C16orf92: variants seen among roughly 807,000 people sequenced by gnomAD.
The protein encoded by C16orf92 is fertilization-influencing membrane protein 1.
A neutral mutation model predicts 13.7 loss-of-function variants in C16orf92; 14 were observed. That is an observed-to-expected ratio of 1.02 (90% CI 0.67 to 1.60). The LOEUF (loss-of-function observed/expected upper bound fraction) is 1.60. C16orf92 is among the 40% of genes most tolerant of loss of function. The pLI, the probability that C16orf92 is intolerant of heterozygous loss-of-function variation, is 0.00. For missense variants in C16orf92, 116 were observed against 139.0 expected (o/e 0.83, Z 0.83); for synonymous variants, 50 against 57.4 (o/e 0.87, Z 0.58).
downstream of C16orf92, chr16:30,025,539 C>T: frequency 1.3e-6 from 2 of 1,588,428 alleles, no homozygotes; most frequent in Middle Eastern, 1.7e-4. This position sits in a 1 kb window ranked among gnomAD's most constrained non-coding sequence, Gnocchi z 4.1. Context: ...CCCTGCCTCC[C>T]TGCGACCCTA....
At chr16:30,026,038 C>T (rs1414386489), downstream of C16orf92, among the ~76,000 whole-genome samples, 1 of 152,042 alleles carries the variant, frequency 6.6e-6, no homozygotes, top group African/African-American at 2.4e-5. Context: ...TTGAGACCAG[C>T]CTGGCCAACA....
Position 30,024,337 on chromosome 16 carries a change from C to T in C16orf92, c.*110C>T. 7.1e-7 allele frequency: 1 copy of T among 1,400,078 alleles called. No homozygotes were observed. The highest frequency in any genetic ancestry group is 9.8e-7 in the Non-Finnish European group (1 of 1,019,176). The allele number at this position is 1,400,078 out of a possible 1,614,324, so 86.7% of individuals were successfully genotyped here. ...TCCTCCCTGACTGCCCAGCGAGCAGCTGGGGATCCTGTCCCCTCTGTTTCC... is the reference window on the plus strand; with the variant it reads ...TCCTCCCTGACTGCCCAGCGAGCAGTTGGGGATCCTGTCCCCTCTGTTTCC... On this transcript the variant is annotated 3_prime_UTR_variant, in exon 4 of 4. Coordinates refer to ENST00000681219, the MANE Select transcript of C16orf92 (RefSeq NM_001109659.2).
chr16:30,025,535 C>G, downstream of C16orf92: 1 of 1,589,872 alleles, frequency 6.3e-7, no homozygotes, highest in East Asian at 2.3e-5. This position sits in a 1 kb window ranked among gnomAD's most constrained non-coding sequence, Gnocchi z 4.1. Context: ...CTCTCCCTGC[C>G]TCCCTGCGAC....
chr16:30,025,252 G>A, downstream of C16orf92: 1 of 1,535,086 alleles, frequency 6.5e-7, no homozygotes, highest in African/African-American at 1.4e-5. This position sits in a 1 kb window ranked among gnomAD's most constrained non-coding sequence, Gnocchi z 4.1. Context: ...CCCCACGGCA[G>A]ATGAGGAAGA....
At position 30,023,749 on chromosome 16, in the gene C16orf92, G is replaced by A. The variant is rs752975065; in HGVS notation, c.87G>A (p.Thr29=). Residue 29 remains threonine (T), a synonymous_variant, in exon 2 of 4, where the codon ACG becomes ACA. Transcript: ENST00000681219. ...IETAPRPKRA[T]ASALGTESPR... ...TAGCACCCAGACCCAAGCGTGCCAC[G>A]GCGTCAGCCCTGGGGACAGAGTCTC... is the stretch of plus-strand genomic sequence containing the variant. 3.8e-5 allele frequency: 62 copies of A among 1,613,918 alleles called. No individual in the cohort carries two copies. The highest frequency in any genetic ancestry group is 2.2e-4 in the Admixed American group (13 of 59,998).
Position 30,024,456 on chromosome 16 carries a change from C to A in C16orf92, c.*229C>A, listed in dbSNP as rs1319415211. ...GTTCACGCAGATCGTCTTTTATTAGCGGTCTGTAAAGCACCTCCCAGGGTC... is the reference window on the plus strand; with the variant it reads ...GTTCACGCAGATCGTCTTTTATTAGAGGTCTGTAAAGCACCTCCCAGGGTC... On this transcript the variant is annotated 3_prime_UTR_variant, in exon 4 of 4. Transcript: ENST00000681219. The A allele has an allele frequency of 1.6e-6, 1 of 630,152 alleles. No individual in the cohort carries two copies. Among genetic ancestry groups the A allele is most frequent in the Non-Finnish European group, 2.7e-6 (1 of 368,696 alleles). 39.0% of individuals were successfully genotyped at this position (630,152 alleles called of 1,614,324 possible).
At chr16:30,024,162 G>C in intron 3 of C16orf92, 44 bp from the exon 4 acceptor site, 1 of 1,612,988 alleles carries the variant, frequency 6.2e-7, no homozygotes, top group Non-Finnish European at 8.5e-7. Context: ...CAGTTCTAGC[G>C]GGGCAGGCTG....
Position 30,024,379 on chromosome 16 carries a change from C to T in C16orf92, c.*152C>T. ...TCTGTTTCCCATGGCCCAAGCCCCCCACCTCCTCCCTTCCCAGCCCCAAAG... is the reference window on the plus strand; with the variant it reads ...TCTGTTTCCCATGGCCCAAGCCCCCTACCTCCTCCCTTCCCAGCCCCAAAG... On this transcript the variant is annotated 3_prime_UTR_variant, in exon 4 of 4. Transcript: ENST00000681219. 1 of 1,060,772 alleles carries T rather than the reference C, an allele frequency of 9.4e-7. No homozygotes were observed. Among genetic ancestry groups the T allele is most frequent in the Non-Finnish European group, 1.3e-6 (1 of 746,836 alleles). The allele number at this position is 1,060,772 out of a possible 1,614,324, so 65.7% of individuals were successfully genotyped here.
At chr16:30,026,758 T>C (rs1335696975), downstream of C16orf92, 3 of 1,614,138 alleles carry the variant, frequency 1.9e-6, no homozygotes, top group Non-Finnish European at 2.5e-6. Context: ...ACCTGGTGCT[T>C]GTGCCAGTGA....
In C16orf92 at chr16:30,023,728, A is replaced by G. The variant is rs1596721709; in HGVS notation, c.66A>G (p.Ala22=). 2 of 1,613,980 alleles carry G rather than the reference A, an allele frequency of 1.2e-6. No homozygotes were observed. The highest frequency in any genetic ancestry group is 1.1e-5 in the South Asian group (1 of 91,080). Residue 22 remains alanine, a splice_region_variant and synonymous_variant, in exon 2 of 4, where the codon GCA becomes GCG. Coordinates refer to ENST00000681219, the MANE Select transcript of C16orf92 (RefSeq NM_001109659.2). The stretch of plus-strand genomic sequence containing the variant: ...TCACAGAGTTTGCTTGGGTCCTAGC[A>G]CCCAGACCCAAGCGTGCCACGGCGT... The part of the protein sequence containing the change: ...WLAALGAIET[A]PRPKRATASA...
At chr16:30,026,482 C>T (rs2071141316), downstream of C16orf92, 1 of 821,324 alleles carries the variant, frequency 1.2e-6, no homozygotes, top group Admixed American at 2.5e-5. Flanking sequence ...ACAGCTTTCC[C>T]TGGGAATACG....
chr16:30,024,387 C>T lies in C16orf92; in HGVS notation c.*160C>T. 1.0e-6 allele frequency: 1 copy of T among 987,186 alleles called. No homozygotes were observed. Among genetic ancestry groups the T allele is most frequent in the Non-Finnish European group, 1.5e-6 (1 of 683,710 alleles). 61.2% of individuals were successfully genotyped at this position (987,186 alleles called of 1,614,324 possible). On this transcript the variant is annotated 3_prime_UTR_variant, in exon 4 of 4. Transcript: ENST00000681219. ...CCATGGCCCAAGCCCCCCACCTCCTCCCTTCCCAGCCCCAAAGAACTTGGT... is the reference window on the plus strand; with the variant it reads ...CCATGGCCCAAGCCCCCCACCTCCTTCCTTCCCAGCCCCAAAGAACTTGGT...
At position 30,023,740 on chromosome 16, in the gene C16orf92, G is replaced by A. The variant is rs1567291366; in HGVS notation, c.78G>A (p.Lys26=). The A allele has an allele frequency of 6.2e-7, 1 of 1,613,930 alleles. No individual in the cohort carries two copies. The highest frequency in any genetic ancestry group is 1.3e-5 in the African/African-American group (1 of 74,926). ...LGAIETAPRP[K]RATASALGTE... ...CTTGGGTCCTAGCACCCAGACCCAA[G>A]CGTGCCACGGCGTCAGCCCTGGGGA... The change falls in exon 2 of 4, where the codon AAG becomes AAA. Residue 26 remains lysine, a synonymous_variant. Transcript: ENST00000681219.
In C16orf92 at chr16:30,024,448, T is replaced by C; in HGVS notation, c.*221T>C. The C allele has an allele frequency of 1.5e-6, 1 of 645,948 alleles. No individual in the cohort carries two copies. The highest frequency in any genetic ancestry group is 2.6e-6 in the Non-Finnish European group (1 of 381,674). The allele number at this position is 645,948 out of a possible 1,614,324, so 40.0% of individuals were successfully genotyped here. ...TTGGTGGCGTTCACGCAGATCGTCT[T>C]TTATTAGCGGTCTGTAAAGCACCTC... is the stretch of plus-strand genomic sequence containing the variant. On this transcript the variant is annotated 3_prime_UTR_variant, in exon 4 of 4. Transcript: ENST00000681219.
At chr16:30,025,204 C>G, downstream of C16orf92, 2 of 1,485,108 alleles carry the variant, frequency 1.3e-6, no homozygotes, top group South Asian at 1.4e-5. The surrounding 1 kb of genome is among the most constrained non-coding windows in gnomAD (Gnocchi z 4.1). Context: ...CCTGGCAGGC[C>G]GGGGGCGGCC....
chr16:30,024,181 C>T, intron 3 of C16orf92, 25 bp from the exon 4 acceptor site: 1 of 1,613,878 alleles, frequency 6.2e-7, no homozygotes, highest in Non-Finnish European at 8.5e-7. Flanking sequence ...TGTGACCTCT[C>T]CCCTCTGATC....
At chr16:30,023,659 G>A in intron 1 of C16orf92, 68 bp from the exon 2 acceptor site, 2 of 1,613,712 alleles carry the variant, frequency 1.2e-6, no homozygotes, top group Non-Finnish European at 1.7e-6. Context: ...TCCCAAGTCA[G>A]CTTCCGCCTC....
At chr16:30,026,373 C>T (rs1403286996), downstream of C16orf92, among the ~76,000 whole-genome samples, 1 of 152,170 alleles carries the variant, frequency 6.6e-6, no homozygotes, top group East Asian at 1.9e-4. Context: ...CGTGCAACCA[C>T]AAATCCAAAG....
In C16orf92 at chr16:30,023,726, G is replaced by A. The variant is rs1039706991; in HGVS notation, c.65-1G>A. The A allele has an allele frequency of 1.9e-6, 3 of 1,614,112 alleles. No homozygotes were observed. Among genetic ancestry groups the A allele is most frequent in the Non-Finnish European group, 1.7e-6 (2 of 1,180,016 alleles). ...TGTCACAGAGTTTGCTTGGGTCCTAGCACCCAGACCCAAGCGTGCCACGGC... is the reference window on the plus strand; with the variant it reads ...TGTCACAGAGTTTGCTTGGGTCCTAACACCCAGACCCAAGCGTGCCACGGC... On this transcript the variant is annotated splice_acceptor_variant, in intron 1 of 3. Coordinates refer to ENST00000681219, the MANE Select transcript of C16orf92 (RefSeq NM_001109659.2). LOFTEE classifies it high-confidence loss of function.
Sources: gnomAD v4.1 joint callset for allele counts (sites outside exome capture counted in the v4.1 genomes callset) on GRCh38, gnomAD v4.1.1 for gene constraint, Gnocchi (gnomAD v3.1) non-coding constraint, MANE v1.5 for transcripts, NCBI Gene and HGNC (gene_info 2026-07-23, HGNC 2026-07-21) for gene names.